LDLRAD4: variants seen among roughly 807,000 people sequenced by gnomAD.
LDLRAD4 encodes low density lipoprotein receptor class A domain containing 4.
In LDLRAD4, 5 loss-of-function variants were observed where a neutral mutation model predicts 17.0. The observed-to-expected ratio is 0.29, with a 90% CI of 0.15 to 0.62. LDLRAD4 has a LOEUF of 0.62. Ranked by LOEUF, LDLRAD4 falls within the 20% of genes least tolerant of loss-of-function variation. LDLRAD4 has a pLI of 0.84. For synonymous variants in LDLRAD4, 168 were observed against 171.8 expected (o/e 0.98, Z 0.17); for missense variants, 340 against 424.7 (o/e 0.80, Z 1.75).
intron 3 of LDLRAD4, among the ~76,000 whole-genome samples, chr18:13,609,960 C>T (rs537610945): frequency 2.6e-5 from 4 of 152,014 alleles, no homozygotes; most frequent in African/African-American, 9.6e-5. Context: ...CTAGCCTGGG[C>T]GACACAGCAA....
intron 3 of LDLRAD4, among the ~76,000 whole-genome samples, chr18:13,524,439 G>T (rs1337226566): frequency 6.6e-6 from 1 of 152,006 alleles, no homozygotes; most frequent in African/African-American, 2.4e-5. Flanking sequence ...TTCACCTGGG[G>T]CTTTGAAAAA....
chr18:13,542,042 C>T (rs2094291293), intron 3 of LDLRAD4, among the ~76,000 whole-genome samples: 1 of 152,158 alleles, frequency 6.6e-6, no homozygotes, highest in Admixed American at 6.5e-5. Context: ...TGCCACCGCA[C>T]TCCAGCCCTG....
intron 3 of LDLRAD4, among the ~76,000 whole-genome samples, chr18:13,467,869 T>A (rs763466489): frequency 3.9e-5 from 6 of 152,224 alleles, no homozygotes; most frequent in Non-Finnish European, 5.9e-5. Flanking sequence ...TGATAAGGGC[T>A]CCAAGTCCAT....
chr18:13,249,928 G>A (rs1196609982), intron 1 of LDLRAD4, among the ~76,000 whole-genome samples: 2 of 152,194 alleles, frequency 1.3e-5, no homozygotes, highest in African/African-American at 2.4e-5. Flanking sequence ...TTTTGTATAC[G>A]GTGACAGGTA....
At chr18:13,315,482 G>C (rs78612632) in intron 1 of LDLRAD4, among the ~76,000 whole-genome samples, 4,822 of 152,256 alleles carry the variant, frequency 0.032, 199 homozygotes, top group African/African-American at 0.096. Context: ...GGACAAGATG[G>C]AGAATTGCAC....
At chr18:13,272,475 A>G (rs746155355) in intron 1 of LDLRAD4, among the ~76,000 whole-genome samples, 7 of 152,160 alleles carry the variant, frequency 4.6e-5, no homozygotes, top group East Asian at 1.9e-4. Flanking sequence ...TTTCATTTCT[A>G]TTTGGGGAGA....
At chr18:13,616,809 G>T (rs1223887618) in intron 3 of LDLRAD4, among the ~76,000 whole-genome samples, 1 of 152,210 alleles carries the variant, frequency 6.6e-6, no homozygotes, top group Non-Finnish European at 1.5e-5. Context: ...ACCCCACGGG[G>T]CCACTCGATT....
intron 4 of LDLRAD4, among the ~76,000 whole-genome samples, chr18:13,629,833 GC>G (rs1313819695): frequency 1.3e-5 from 2 of 151,942 alleles, no homozygotes; most frequent in Non-Finnish European, 2.9e-5. Flanking sequence ...ACTCTGGGTG[GC>G]CCCTGTTGGG....
intron 1 of LDLRAD4, among the ~76,000 whole-genome samples, chr18:13,220,950 C>T (rs576165301): frequency 4.9e-4 from 75 of 152,294 alleles, no homozygotes; most frequent in African/African-American, 1.6e-3. Flanking sequence ...GACTGCTCTA[C>T]GTCATCACGT....
At chr18:13,638,816 T>C (rs1293411080) in intron 4 of LDLRAD4, among the ~76,000 whole-genome samples, 1 of 152,234 alleles carries the variant, frequency 6.6e-6, no homozygotes, top group African/African-American at 2.4e-5. Flanking sequence ...CCCTGGGAAC[T>C]GTGCAGAGCC....
intron 3 of LDLRAD4, among the ~76,000 whole-genome samples, chr18:13,616,796 G>A (rs147808826): frequency 2.2e-4 from 34 of 152,314 alleles, no homozygotes; most frequent in Middle Eastern, 3.4e-3. Context: ...GCCACCCCAG[G>A]GCACCCCACG....
intron 3 of LDLRAD4, among the ~76,000 whole-genome samples, chr18:13,545,171 C>G (rs970700761): frequency 2.0e-5 from 3 of 152,002 alleles, no homozygotes; most frequent in African/African-American, 7.3e-5. Flanking sequence ...TGGGATGCTG[C>G]TGATGGAGTA....
At chr18:13,224,715 C>T (rs980467161) in intron 1 of LDLRAD4, among the ~76,000 whole-genome samples, 1 of 151,798 alleles carries the variant, frequency 6.6e-6, no homozygotes, top group Non-Finnish European at 1.5e-5. Flanking sequence ...CTCCTGACCT[C>T]ATGATCCGCC....
intron 3 of LDLRAD4, among the ~76,000 whole-genome samples, chr18:13,509,867 C>T (rs1174363175): frequency 1.3e-5 from 2 of 152,208 alleles, no homozygotes; most frequent in African/African-American, 4.8e-5. Context: ...AGGCAAGACC[C>T]TCCACCAGCA....
At chr18:13,351,355 G>A (rs920388982) in intron 1 of LDLRAD4, among the ~76,000 whole-genome samples, 1 of 152,074 alleles carries the variant, frequency 6.6e-6, no homozygotes, top group African/African-American at 2.4e-5. Flanking sequence ...TCCCTTGTTA[G>A]CTGTATTCCT....
chr18:13,251,161 T>C (rs1040136414), intron 1 of LDLRAD4, among the ~76,000 whole-genome samples: 1 of 152,208 alleles, frequency 6.6e-6, no homozygotes, highest in Admixed American at 6.5e-5. Flanking sequence ...GAAAAAGCAT[T>C]TGATAACCTT....
At chr18:13,388,109 G>A (rs939168590) in intron 2 of LDLRAD4, among the ~76,000 whole-genome samples, 2 of 152,208 alleles carry the variant, frequency 1.3e-5, no homozygotes, top group Non-Finnish European at 2.9e-5. Context: ...TTTCTTTACA[G>A]AACCGGGAAG....
chr18:13,647,360 G>T (rs1256222550), exon 6 of LDLRAD4: 2 of 152,266 alleles, frequency 1.3e-5, no homozygotes, highest in African/African-American at 4.8e-5. Context: ...GTGGAGAAGG[G>T]CTTATCTGCA....
At chr18:13,500,340 C>CG (rs1568262629) in intron 3 of LDLRAD4, among the ~76,000 whole-genome samples, 1 of 152,182 alleles carries the variant, frequency 6.6e-6, no homozygotes, top group Non-Finnish European at 1.5e-5. Context: ...TGGGGCTGTG[C>CG]GGGACAGTGG....
Sources: gnomAD v4.1 joint callset for allele counts (sites outside exome capture counted in the v4.1 genomes callset) on GRCh38, gnomAD v4.1.1 for gene constraint, MANE v1.5 for transcripts, NCBI Gene and HGNC (gene_info 2026-07-23, HGNC 2026-07-21) for gene names.